Variants in INA observed in about 807,000 individuals in gnomAD.
INA encodes alpha-internexin.
A neutral mutation model predicts 40.1 loss-of-function variants in INA; 35 were observed. The observed-to-expected ratio is 0.87, with a 90% CI of 0.67 to 1.16. The LOEUF (loss-of-function observed/expected upper bound fraction) is 1.16. INA is among the 50% of genes most tolerant of loss of function. The pLI is 0.00. For synonymous variants in INA, 290 were observed against 316.9 expected (o/e 0.92, Z 0.90); for missense variants, 594 against 686.7 (o/e 0.87, Z 1.51).
chr10:103,278,231 C>G lies in INA; in HGVS notation c.1020C>G (p.Ile340Met). 6.3e-7 allele frequency: 1 copy of G among 1,590,400 alleles called. No individual in the cohort carries two copies. The highest frequency in any genetic ancestry group is 8.5e-7 in the Non-Finnish European group (1 of 1,169,656). Residue 340 changes from isoleucine to methionine, a missense_variant, in exon 1 of 3, where the codon ATC (isoleucine) becomes ATG (methionine). Transcript: ENST00000369849. This position sits in a 1 kb window ranked among gnomAD's most constrained non-coding sequence, Gnocchi z 4.9. Reference protein sequence around the residue: ...RGANESLERQILELEERHSAE... With the variant: ...RGANESLERQMLELEERHSAE... ...CCAACGAGTCCTTGGAGAGGCAGAT[C>G]CTGGAGCTGGAGGAGCGGCACAGTG... is the stretch of plus-strand genomic sequence containing the variant.
At chr10:103,285,721 G>A (rs1028926215) in intron 1 of INA, among the ~76,000 whole-genome samples, 6 of 150,752 alleles carry the variant, frequency 4.0e-5, no homozygotes, top group African/African-American at 9.8e-5. Context: ...GGGTTCAAGC[G>A]ATTCTCCTGC....
chr10:103,288,262 C>A, intron 2 of INA, 98 bp from the exon 3 acceptor site: 1 of 1,110,104 alleles, frequency 9.0e-7, no homozygotes, highest in Non-Finnish European at 1.3e-6. Context: ...CTCCAAAGTC[C>A]TTTGGAATCT....
In INA at chr10:103,277,772, C is replaced by T; in HGVS notation, c.561C>T (p.Arg187=). The change falls in exon 1 of 3, where the codon CGC becomes CGT. Residue 187 remains arginine, a synonymous_variant. Coordinates refer to ENST00000369849, the MANE Select transcript of INA (RefSeq NM_032727.4). The surrounding 1 kb of genome is among the most constrained non-coding windows in gnomAD (Gnocchi z 5.6). The part of the protein sequence containing the change: ...RLRARCEEES[R]GREGAERALK... ...GGGCGCGCTGCGAGGAGGAGAGCCG[C>T]GGACGCGAAGGCGCCGAGCGCGCCC... The T allele has an allele frequency of 4.0e-6, 6 of 1,486,680 alleles. No individual in the cohort carries two copies. Among genetic ancestry groups the T allele is most frequent in the South Asian group, 1.3e-5 (1 of 75,626 alleles). The allele number at this position is 1,486,680 out of a possible 1,614,324, so 92.1% of individuals were successfully genotyped here. A position where few individuals can be genotyped will look rare whatever the true frequency, so the allele number is the denominator to read the frequency against.
Position 103,277,545 on chromosome 10 carries a change from G to A in INA, c.334G>A (p.Val112Met). 1 of 1,584,438 alleles carries A rather than the reference G, an allele frequency of 6.3e-7. No individual in the cohort carries two copies. Among genetic ancestry groups the A allele is most frequent in the Non-Finnish European group, 8.5e-7 (1 of 1,169,696 alleles). Residue 112 changes from valine (V) to methionine (M), a missense_variant, in exon 1 of 3, where the codon GTG (valine) becomes ATG (methionine). Transcript: ENST00000369849. The surrounding 1 kb of genome is among the most constrained non-coding windows in gnomAD (Gnocchi z 5.6). ...CCGCTTCGCCGTGTTCATCGAGAAG[G>A]TGCATCAGCTGGAGACGCAGAACCG... is the stretch of plus-strand genomic sequence containing the variant. The part of the protein sequence containing the change: ...NDRFAVFIEK[V>M]HQLETQNRAL...
chr10:103,281,828 A>C (rs184548320), intron 1 of INA, among the ~76,000 whole-genome samples: 1 of 152,326 alleles, frequency 6.6e-6, no homozygotes, highest in East Asian at 1.9e-4. Flanking sequence ...CCTTCCAGCC[A>C]CGGGCTGCGA....
In INA at chr10:103,288,498, G is replaced by A. The variant is rs112815674; in HGVS notation, c.1329G>A (p.Gly443=). 9.3e-6 allele frequency: 15 copies of A among 1,613,690 alleles called. No homozygotes were observed. In the Admixed American group the frequency reaches 1.7e-4, roughly 18 times the overall value. The change falls in exon 3 of 3, where the codon GGG becomes GGA. Residue 443 remains glycine (G), a synonymous_variant. Transcript: ENST00000369849. ...SATTSKVSST[G]LSLKKEEEEE... The stretch of plus-strand genomic sequence containing the variant: ...CAACCTCCAAAGTCTCATCCACTGG[G>A]CTATCACTTAAGAAAGAGGAGGAGG...
At chr10:103,282,442 G>T (rs1364324600) in intron 1 of INA, among the ~76,000 whole-genome samples, 1 of 152,166 alleles carries the variant, frequency 6.6e-6, no homozygotes, top group African/African-American at 2.4e-5. Flanking sequence ...GCAAGATGGA[G>T]AATGGGGACC....
intron 1 of INA, among the ~76,000 whole-genome samples, chr10:103,281,824 A>C (rs554530950): frequency 3.3e-4 from 51 of 152,342 alleles, no homozygotes; most frequent in Admixed American, 2.7e-3. Flanking sequence ...GCATCCTTCC[A>C]GCCACGGGCT....
intron 1 of INA, among the ~76,000 whole-genome samples, chr10:103,285,957 A>T (rs2093085039): frequency 1.3e-5 from 2 of 151,974 alleles, no homozygotes; most frequent in African/African-American, 4.8e-5. Context: ...CCATGTAAAG[A>T]CCGGCATTTT....
At chr10:103,280,772 T>G in intron 1 of INA, 1 of 985,456 alleles carries the variant, frequency 1.0e-6, no homozygotes, top group Non-Finnish European at 1.2e-6. Context: ...CTAAGGCTAT[T>G]GTCTTCAAAA....
At chr10:103,288,324 T>G (rs1340320644) in intron 2 of INA, 36 bp from the exon 3 acceptor site, 3 of 1,544,030 alleles carry the variant, frequency 1.9e-6, no homozygotes, top group South Asian at 2.5e-5. Flanking sequence ...GAAAAGTTAT[T>G]GACTTCCTAA....
In INA at chr10:103,277,279, C is replaced by A; in HGVS notation, c.68C>A (p.Ser23Tyr). 1 of 1,587,272 alleles carries A rather than the reference C, an allele frequency of 6.3e-7. No homozygotes were observed. Residue 23 changes from serine (S) to tyrosine (Y), a missense_variant, in exon 1 of 3, where the codon TCT becomes TAT. Around this residue, in one of 2 missense-constraint regions of INA, gnomAD observed 215 missense variants for 190.6 expected, o/e 1.13. Transcript: ENST00000369849. The surrounding 1 kb of genome is among the most constrained non-coding windows in gnomAD (Gnocchi z 5.6). The part of the protein sequence containing the change: ...SSYRKVFGDG[S>Y]RLSARLSGAG... The stretch of plus-strand genomic sequence containing the variant: ...TACCGCAAGGTGTTCGGGGATGGCT[C>A]TCGCCTGTCCGCCCGCCTCTCTGGG...
chr10:103,282,884 T>C, intron 1 of INA, among the ~76,000 whole-genome samples: 1 of 152,170 alleles, frequency 6.6e-6, no homozygotes, highest in East Asian at 1.9e-4. Context: ...ATCAAAAGGA[T>C]AGAGGGCCAT....
Position 103,277,819 on chromosome 10 carries a change from T to C in INA, c.608T>C (p.Val203Ala). The change falls in exon 1 of 3, where the codon GTG becomes GCG. Residue 203 changes from valine (V) to alanine (A), a missense_variant. This residue lies in a region of INA where 379 missense variants were observed against 496.1 expected (regional missense o/e 0.76). Transcript: ENST00000369849. This position sits in a 1 kb window ranked among gnomAD's most constrained non-coding sequence, Gnocchi z 5.6. The stretch of plus-strand genomic sequence containing the variant: ...GCCCTGAAGGCGCAGCAGCGCGACG[T>C]GGACGGCGCCACGCTGGCCCGCCTG... ...ERALKAQQRD[V>A]DGATLARLDL... 6.5e-7 allele frequency: 1 copy of C among 1,538,766 alleles called. No individual in the cohort carries two copies. Among genetic ancestry groups the C allele is most frequent in the Non-Finnish European group, 8.7e-7 (1 of 1,145,400 alleles).
At chr10:103,283,318 C>G (rs562668095) in intron 1 of INA, among the ~76,000 whole-genome samples, 1 of 152,154 alleles carries the variant, frequency 6.6e-6, no homozygotes, top group Non-Finnish European at 1.5e-5. Context: ...ATTCTCTTGT[C>G]AGTAGCTAGA....
At position 103,288,635 on chromosome 10, in the gene INA, T is replaced by C; in HGVS notation, c.1466T>C (p.Ile489Thr). 1 of 1,588,844 alleles carries C rather than the reference T, an allele frequency of 6.3e-7. No homozygotes were observed. The highest frequency in any genetic ancestry group is 1.2e-5 in the South Asian group (1 of 86,726). Residue 489 changes from isoleucine to threonine, a missense_variant, in exon 3 of 3, where the codon ATA becomes ACA. By Grantham distance (89) the Ile-to-Thr change is moderately conservative. Around this residue, in one of 2 missense-constraint regions of INA, gnomAD observed 379 missense variants for 496.1 expected, o/e 0.76. Transcript: ENST00000369849. ...ISTKKTEKSN[I>T]EETTISSQKI ...ACTAAGAAAACCGAGAAATCAAATA[T>C]AGAAGAAACCACCATTTCAAGCCAA...
Position 103,277,206 on chromosome 10 carries a change from G to C in INA, c.-6G>C, listed in dbSNP as rs760483767. 6.4e-6 allele frequency: 10 copies of C among 1,572,524 alleles called. No individual in the cohort carries two copies. The highest frequency in any genetic ancestry group is 1.8e-5 in the Admixed American group (1 of 55,010). ...AAGCCGCACGTCCGGCCCCGATCCC[G>C]GCACCATGAGCTTCGGCTCGGAGCA... On this transcript the variant is annotated 5_prime_UTR_variant, in exon 1 of 3. Transcript: ENST00000369849. This position sits in a 1 kb window ranked among gnomAD's most constrained non-coding sequence, Gnocchi z 5.6.
Position 103,288,610 on chromosome 10 carries a change from A to G in INA, c.1441A>G (p.Thr481Ala). The G allele has an allele frequency of 1.2e-6, 2 of 1,600,210 alleles. No homozygotes were observed. Among genetic ancestry groups the G allele is most frequent in the Non-Finnish European group, 1.7e-6 (2 of 1,175,530 alleles). The change falls in exon 3 of 3, where the codon ACT (threonine) becomes GCT (alanine). Residue 481 changes from threonine to alanine, a missense_variant. Thr to Ala is a moderately conservative substitution (Grantham distance 58). Transcript: ENST00000369849. ...AATATTAGAGGAGACAGTAATATCT[A>G]CTAAGAAAACCGAGAAATCAAATAT... The part of the protein sequence containing the change: ...EEILEETVIS[T>A]KKTEKSNIEE...
chr10:103,283,464 C>T lies in INA; in HGVS notation c.1066-3571C>T, dbSNP rs1000487413. ...AACACACTTTGAAATATATGCATCA[C>T]GGTCCAGTATAATACGTATTTTTCC... On this transcript the variant is annotated intron_variant, in intron 1 of 2. Coordinates refer to ENST00000369849, the MANE Select transcript of INA (RefSeq NM_032727.4). 7.2e-5 allele frequency among the ~76,000 whole-genome samples: 11 copies of T among 152,164 alleles called. No homozygotes were observed. The South Asian group carries it at 8.3e-4, about 11-fold the overall frequency.
Sources: allele counts gnomAD v4.1 joint callset (sites outside exome capture counted in the v4.1 genomes callset), GRCh38; gene constraint gnomAD v4.1.1; regional missense constraint gnomAD v4.1.1; non-coding constraint Gnocchi (gnomAD v3.1); transcripts MANE v1.5; gene names NCBI Gene and HGNC (gene_info 2026-07-23, HGNC 2026-07-21).